Variants in GPC5 observed in about 807,000 individuals in gnomAD.
GPC5 encodes the protein glypican-5.
In GPC5, 47 loss-of-function variants were observed where a neutral mutation model predicts 53.9. The ratio of observed to expected loss-of-function variants is 0.87; its 90% confidence interval spans 0.69 to 1.11. The LOEUF is 1.11. Among genes scored for constraint, GPC5 ranks in the 50% most tolerant of loss-of-function variants. GPC5 has a pLI of 0.00. For missense variants in GPC5, 748 were observed against 713.1 expected, an observed-to-expected ratio of 1.05 and a Z score of -0.56; for synonymous variants, 286 against 263.3, an observed-to-expected ratio of 1.09 and a Z score of -0.84.
chr13:92,494,112 C>T lies in GPC5; in HGVS notation c.1561+349123C>T, dbSNP rs988492863. Among the ~76,000 whole-genome samples the T allele has an allele frequency of 6.1e-5, 9 of 147,312 alleles. No homozygotes were observed. In the East Asian group the frequency reaches 7.8e-4, roughly 13 times the overall value. ...TTTGTTTTGTTTTGTTTTTTTGAGA[C>T]GGAGTCTCGCTCTGTCGCCCAGGCT... On this transcript the variant is annotated intron_variant, in intron 7 of 7. Coordinates refer to ENST00000377067, the MANE Select transcript of GPC5 (RefSeq NM_004466.6).
chr13:91,899,014 A>G (rs373008023), intron 5 of GPC5, among the ~76,000 whole-genome samples: 3 of 152,190 alleles, frequency 2.0e-5, no homozygotes, highest in East Asian at 1.9e-4. Flanking sequence ...TATTGTCACA[A>G]CCTTACTATC....
At chr13:91,898,619 G>T (rs2039467102) in intron 5 of GPC5, among the ~76,000 whole-genome samples, 1 of 151,776 alleles carries the variant, frequency 6.6e-6, no homozygotes, top group Non-Finnish European at 1.5e-5. Context: ...GCTTGGGTGG[G>T]ACTAGATGAC....
chr13:92,157,766 C>T (rs2041956294), intron 7 of GPC5, among the ~76,000 whole-genome samples: 2 of 152,020 alleles, frequency 1.3e-5, no homozygotes, highest in Admixed American at 1.3e-4. Context: ...ATTTATTCCC[C>T]TCCCCTTTTC....
At chr13:92,020,442 G>A (rs1230481174) in intron 6 of GPC5, among the ~76,000 whole-genome samples, 1 of 151,918 alleles carries the variant, frequency 6.6e-6, no homozygotes, top group Non-Finnish European at 1.5e-5. Context: ...CACCAACAGT[G>A]TGCAACAGTT....
chr13:91,806,562 A>T (rs1225644540), intron 5 of GPC5, among the ~76,000 whole-genome samples: 1 of 152,102 alleles, frequency 6.6e-6, no homozygotes, highest in Non-Finnish European at 1.5e-5. Context: ...GACTTTTCAC[A>T]TGCATTTTTA....
Position 92,866,357 on chromosome 13 carries a change from C to G in GPC5, c.1637C>G (p.Thr546Arg), listed in dbSNP as rs377004057. 2.5e-5 allele frequency: 41 copies of G among 1,613,142 alleles called. No homozygotes were observed. Among genetic ancestry groups the G allele is most frequent in the Non-Finnish European group, 3.2e-5 (38 of 1,179,360 alleles). The change falls in exon 8 of 8, where the codon ACA becomes AGA. Residue 546 changes from threonine to arginine, a missense_variant. Transcript: ENST00000377067. ...GACACTGGCAGTACTTTAGACACAA[C>G]AGGAGCAGGATGTGCAGTGGCGACT... ...QTDTGSTLDTTGAGCAVATES... is the reference protein window; with the variant it reads ...QTDTGSTLDTRGAGCAVATES...
intron 2 of GPC5, among the ~76,000 whole-genome samples, chr13:91,493,568 T>G (rs1884055860): frequency 6.6e-6 from 1 of 152,130 alleles, no homozygotes; most frequent in Non-Finnish European, 1.5e-5. Flanking sequence ...GTTTTGATTT[T>G]AGACCCCACA....
In GPC5 at chr13:91,984,786, T is replaced by G. The variant is rs188976076; in HGVS notation, c.1401+76729T>G. On this transcript the variant is annotated intron_variant, in intron 6 of 7. Transcript: ENST00000377067. ...AACATTATTTAACATTTGGCCATTTTTATTTATCTTGGCAGTACTGACTTC... is the reference window on the plus strand; with the variant it reads ...AACATTATTTAACATTTGGCCATTTGTATTTATCTTGGCAGTACTGACTTC... Among the ~76,000 whole-genome samples the G allele has an allele frequency of 4.6e-4, 70 of 152,384 alleles. 1 individual carries two copies. Among genetic ancestry groups the G allele is most frequent in the African/African-American group, 1.6e-3 (67 of 41,600 alleles).
chr13:92,672,032 C>A (rs1292232927), intron 7 of GPC5, among the ~76,000 whole-genome samples: 1 of 152,096 alleles, frequency 6.6e-6, no homozygotes, highest in Non-Finnish European at 1.5e-5. Context: ...GAGGACAACT[C>A]ACAGAGAGAA....
intron 5 of GPC5, among the ~76,000 whole-genome samples, chr13:91,807,486 C>T (rs1339396845): frequency 6.6e-6 from 1 of 152,122 alleles, no homozygotes; most frequent in African/African-American, 2.4e-5. Flanking sequence ...GTTAATAAGG[C>T]AACATTGTCC....
At chr13:92,365,999 G>T (rs1458978851) in intron 7 of GPC5, among the ~76,000 whole-genome samples, 1 of 151,570 alleles carries the variant, frequency 6.6e-6, no homozygotes, top group African/African-American at 2.4e-5. Context: ...CAAGTATAAT[G>T]CACTGCACAT....
At chr13:92,797,781 C>T (rs952370459) in intron 7 of GPC5, among the ~76,000 whole-genome samples, 2 of 149,934 alleles carry the variant, frequency 1.3e-5, no homozygotes, top group African/African-American at 4.9e-5. Context: ...TAGATATAGA[C>T]AGATAGATCA....
At chr13:92,193,668 G>A (rs182617254) in intron 7 of GPC5, among the ~76,000 whole-genome samples, 22 of 152,294 alleles carry the variant, frequency 1.4e-4, no homozygotes, top group African/African-American at 5.1e-4. Flanking sequence ...ACTCCTACTG[G>A]TGTGCTAAGG....
At chr13:91,439,140 G>C (rs1482477059) in intron 1 of GPC5, among the ~76,000 whole-genome samples, 1 of 152,168 alleles carries the variant, frequency 6.6e-6, no homozygotes, top group Non-Finnish European at 1.5e-5. Context: ...ATTCATATTG[G>C]CATGACTCCG....
chr13:91,548,873 G>A (rs903117093), intron 2 of GPC5, among the ~76,000 whole-genome samples: 3 of 152,128 alleles, frequency 2.0e-5, no homozygotes, highest in South Asian at 4.1e-4. Flanking sequence ...TCAACAAATG[G>A]TACTAGAACA....
chr13:91,425,092 G>A (rs563757322), intron 1 of GPC5, among the ~76,000 whole-genome samples: 2 of 152,158 alleles, frequency 1.3e-5, no homozygotes, highest in Non-Finnish European at 2.9e-5. Context: ...CATTTAAAAT[G>A]GAAGATTTAT....
chr13:91,606,359 G>A (rs1042922977), intron 2 of GPC5, among the ~76,000 whole-genome samples: 16 of 148,696 alleles, frequency 1.1e-4, no homozygotes, highest in African/African-American at 3.5e-4. Context: ...CTGTTTGCCA[G>A]TATTTTATTG....
At chr13:92,006,776 C>T (rs9589401) in intron 6 of GPC5, among the ~76,000 whole-genome samples, 4,585 of 152,182 alleles carry the variant, frequency 0.03, 159 homozygotes, top group African/African-American at 0.087. Flanking sequence ...TACACACACA[C>T]ACAGATATAG....
intron 5 of GPC5, among the ~76,000 whole-genome samples, chr13:91,771,488 T>C (rs1042261984): frequency 5.3e-5 from 8 of 152,198 alleles, no homozygotes; most frequent in Non-Finnish European, 1.2e-4. Context: ...TATTTTATGC[T>C]AGCACAAGGT....
Sources: gnomAD v4.1 joint callset for allele counts (sites outside exome capture counted in the v4.1 genomes callset) on GRCh38, gnomAD v4.1.1 for gene constraint, MANE v1.5 for transcripts, NCBI Gene and HGNC (gene_info 2026-07-23, HGNC 2026-07-21) for gene names.